Variants in KIAA0513 observed in about 807,000 individuals in gnomAD.
KIAA0513 encodes KIAA0513.
A neutral mutation model predicts 56.5 loss-of-function variants in KIAA0513; 39 were observed. That is an observed-to-expected ratio of 0.69 (90% CI 0.53 to 0.90). The LOEUF is 0.90. Among genes scored for constraint, KIAA0513 ranks in the 40% least tolerant of loss-of-function variants. The probability of loss-of-function intolerance (pLI) is 0.00; values close to 1 mark genes in which losing one functional copy is unlikely to be tolerated. For synonymous variants in KIAA0513, 268 were observed against 215.6 expected, an observed-to-expected ratio of 1.24 and a Z score of -2.13; for missense variants, 591 against 535.2, an observed-to-expected ratio of 1.10 and a Z score of -1.03.
At chr16:85,086,417 C>G (rs991214331) in intron 10 of KIAA0513, among the ~76,000 whole-genome samples, 11 of 152,238 alleles carry the variant, frequency 7.2e-5, no homozygotes, top group Non-Finnish European at 1.5e-5. Flanking sequence ...GTCTCTTTAT[C>G]TTATGAAGAG....
At chr16:85,078,491 C>G (rs12932461) in intron 7 of KIAA0513, 36 bp downstream of exon 7, 589,300 of 1,601,266 alleles carry the variant, frequency 0.37, 111,047 homozygotes, top group Middle Eastern at 0.43. Context: ...AGACGCCCAG[C>G]CCACAGCCCC....
chr16:85,079,545 C>G (rs1018958048), intron 8 of KIAA0513: 10 of 155,972 alleles, frequency 6.4e-5, no homozygotes, highest in Non-Finnish European at 1.1e-4. Context: ...AAGCCAGACA[C>G]AGAAGCCCAA....
At chr16:85,045,450 G>C (rs2073158663) in intron 1 of KIAA0513, among the ~76,000 whole-genome samples, 1 of 152,184 alleles carries the variant, frequency 6.6e-6, no homozygotes, top group African/African-American at 2.4e-5. Context: ...CCGCCTCCCA[G>C]GTTCAAGTGA....
chr16:85,070,194 A>G (rs1211168331), intron 2 of KIAA0513, among the ~76,000 whole-genome samples: 1 of 151,588 alleles, frequency 6.6e-6, no homozygotes, highest in Non-Finnish European at 1.5e-5. Flanking sequence ...GAAAAAAGAA[A>G]GAAATTTTGC....
chr16:85,035,324 C>A (rs895468572), intron 1 of KIAA0513, among the ~76,000 whole-genome samples: 2 of 152,182 alleles, frequency 1.3e-5, no homozygotes, highest in Non-Finnish European at 2.9e-5. Context: ...GAGCAGGTGA[C>A]GAAGAAACGC....
chr16:85,052,123 C>T (rs1255721338), intron 1 of KIAA0513, among the ~76,000 whole-genome samples: 1 of 152,038 alleles, frequency 6.6e-6, no homozygotes, highest in African/African-American at 2.4e-5. Flanking sequence ...AGATCGAGAC[C>T]GTCCTGGCCA....
rs578194171 is a variant in KIAA0513, at chr16:85,081,116, C to T, written c.903-199C>T. ...CCATCTCTCCTAAGAGATACGCAGC[C>T]GCTGGGAGCCCCAGGGAAACAGCTG... On this transcript the variant is annotated intron_variant, in intron 8 of 12. Coordinates refer to ENST00000683363, the MANE Select transcript of KIAA0513 (RefSeq NM_001388359.1). The surrounding 1 kb of genome is among the most constrained non-coding windows in gnomAD (Gnocchi z 4.4). Among the ~76,000 whole-genome samples, 3 of 152,330 alleles carry T rather than the reference C, an allele frequency of 2.0e-5. No homozygotes were observed. The highest frequency in any genetic ancestry group is 6.5e-5 in the Admixed American group (1 of 15,304).
At chr16:85,034,987 G>A (rs1021276691) in intron 1 of KIAA0513, among the ~76,000 whole-genome samples, 9 of 152,272 alleles carry the variant, frequency 5.9e-5, no homozygotes, top group African/African-American at 1.7e-4. Flanking sequence ...TCTGCAGGGC[G>A]CTGGGCCCCT....
At chr16:85,047,242 C>T (rs8045387) in intron 1 of KIAA0513, among the ~76,000 whole-genome samples, 60,969 of 152,096 alleles carry the variant, frequency 0.4, 13,631 homozygotes, top group African/African-American at 0.61. Flanking sequence ...CCGTCCTAAC[C>T]TTCAGTGCTC....
chr16:85,045,146 AAAAG>A (rs1281361652), intron 1 of KIAA0513, among the ~76,000 whole-genome samples: 1 of 152,054 alleles, frequency 6.6e-6, no homozygotes, highest in African/African-American at 2.4e-5. Context: ...ATGACAAAAA[AAAAG>A]AAAGCATCTG....
intron 1 of KIAA0513, among the ~76,000 whole-genome samples, chr16:85,041,613 T>C (rs114127435): frequency 0.011 from 1,720 of 152,272 alleles, 40 homozygotes; most frequent in African/African-American, 0.039. Context: ...GTAACACCTT[T>C]TGTCTCGCTA....
At chr16:85,070,787 G>A (rs1420511988) in intron 2 of KIAA0513, among the ~76,000 whole-genome samples, 4 of 152,198 alleles carry the variant, frequency 2.6e-5, no homozygotes, top group African/African-American at 4.8e-5. Flanking sequence ...AGATGGGTGC[G>A]CTTTCTCTGA....
chr16:85,077,641 G>T lies in KIAA0513; in HGVS notation c.782+9G>T. ...CTGGCCAGGAGGAACGAGTACGTGT[G>T]GCCTTGGGGTCCCTCCCACCTGCAG... On this transcript the variant is annotated intron_variant, in intron 6 of 12. Coordinates refer to ENST00000683363, the MANE Select transcript of KIAA0513 (RefSeq NM_001388359.1). The T allele has an allele frequency of 6.3e-7, 1 of 1,594,282 alleles. No individual in the cohort carries two copies. Among genetic ancestry groups the T allele is most frequent in the South Asian group, 1.1e-5 (1 of 88,860 alleles).
rs1314362920 is a variant in KIAA0513, at chr16:85,077,693, C to G, written c.782+61C>G. On this transcript the variant is annotated intron_variant, in intron 6 of 12. Transcript: ENST00000683363. The stretch of plus-strand genomic sequence containing the variant: ...GGACTGGGGAGAGGCTGGTGTGGAG[C>G]TCGGACGGGGGCAGCAGGGAGGGTG... The G allele has an allele frequency of 7.6e-6, 10 of 1,315,940 alleles. No homozygotes were observed. The Admixed American group carries it at 2.0e-4, about 26-fold the overall frequency. The allele number at this position is 1,315,940 out of a possible 1,614,324, so 81.5% of individuals were successfully genotyped here.
intron 1 of KIAA0513, among the ~76,000 whole-genome samples, chr16:85,034,880 C>G (rs528352337): frequency 4.7e-4 from 71 of 152,286 alleles, no homozygotes; most frequent in Non-Finnish European, 7.9e-4. Flanking sequence ...TCAGGGCAGC[C>G]CATCTCTGGA....
intron 2 of KIAA0513, among the ~76,000 whole-genome samples, chr16:85,068,941 C>G (rs988046391): frequency 6.6e-6 from 1 of 152,154 alleles, no homozygotes; most frequent in African/African-American, 2.4e-5. Flanking sequence ...CTATAGTTGG[C>G]TAAGAGGTTG....
intron 1 of KIAA0513, among the ~76,000 whole-genome samples, chr16:85,032,959 C>T (rs552152139): frequency 6.6e-6 from 1 of 152,048 alleles, no homozygotes; most frequent in African/African-American, 2.4e-5. Flanking sequence ...ATTAAGTTCA[C>T]AGATTCCCTG....
chr16:85,052,570 TG>T (rs1158862735), intron 1 of KIAA0513, among the ~76,000 whole-genome samples: 3 of 152,194 alleles, frequency 2.0e-5, no homozygotes, highest in African/African-American at 7.2e-5. Context: ...TGGGTTTCTT[TG>T]GGCTTAAGGT....
In KIAA0513 at chr16:85,067,246, G is replaced by A. The variant is rs767514390; in HGVS notation, c.175G>A (p.Glu59Lys). The A allele has an allele frequency of 1.7e-5, 28 of 1,613,978 alleles. No homozygotes were observed. The highest frequency in any genetic ancestry group is 4.0e-5 in the African/African-American group (3 of 74,932). ...TGCGGACAGTGAGAATGACATGGGC[G>A]AGTCGCCCTCGCACCCGTCCTGGGA... Reference protein sequence around the residue: ...ESADSENDMGESPSHPSWDQD... With the variant: ...ESADSENDMGKSPSHPSWDQD... The change falls in exon 2 of 13, where the codon GAG becomes AAG. Residue 59 changes from glutamate to lysine, a missense_variant. By Grantham distance (56) the Glu-to-Lys change is moderately conservative. Coordinates refer to ENST00000683363, the MANE Select transcript of KIAA0513 (RefSeq NM_001388359.1).
Sources: allele counts gnomAD v4.1 joint callset (sites outside exome capture counted in the v4.1 genomes callset), GRCh38; gene constraint gnomAD v4.1.1; non-coding constraint Gnocchi (gnomAD v3.1); transcripts MANE v1.5; gene names NCBI Gene and HGNC (gene_info 2026-07-23, HGNC 2026-07-21).